Variants in GPD1 observed in about 807,000 individuals in gnomAD.
GPD1 encodes the protein glycerol-3-phosphate dehydrogenase 1, also known as glycerol-3-phosphate dehydrogenase [NAD(+)], cytoplasmic.
In GPD1, 19 loss-of-function variants were observed where a neutral mutation model predicts 34.4. That is an observed-to-expected ratio of 0.55 (90% confidence interval 0.39 to 0.81). The LOEUF (loss-of-function observed/expected upper bound fraction) is 0.81. Ranked by LOEUF, GPD1 falls within the 30% of genes least tolerant of loss-of-function variation. The pLI is 0.00. For missense variants in GPD1, 429 were observed against 447.0 expected (o/e 0.96, Z 0.36); for synonymous variants, 172 against 174.1 (o/e 0.99, Z 0.09).
intron 6 of GPD1, 61 bp downstream of exon 6, chr12:50,107,861 T>C (rs1209129110): frequency 8.0e-7 from 1 of 1,253,554 alleles, no homozygotes. Flanking sequence ...GTAGAGGTGC[T>C]TGGCGGGAGG....
At chr12:50,106,051 A>G (rs533273418) in intron 3 of GPD1, 8 of 615,466 alleles carry the variant, frequency 1.3e-5, no homozygotes, top group African/African-American at 1.3e-4. Context: ...GGGGTTGCCT[A>G]GGGATGTGGA....
chr12:50,104,296 G>C (rs1012421054), intron 1 of GPD1: 2 of 698,344 alleles, frequency 2.9e-6, no homozygotes, highest in African/African-American at 3.5e-5. Flanking sequence ...CCATGGGAAG[G>C]CGTCTCCAGA....
At chr12:50,104,361 C>G (rs892613379) in intron 1 of GPD1, 3 of 706,510 alleles carry the variant, frequency 4.2e-6, no homozygotes, top group Non-Finnish European at 7.8e-6. Context: ...AGAAGTGGGG[C>G]TCCCTTCTCT....
chr12:50,108,007 T>A lies in GPD1; in HGVS notation c.847-17T>A, dbSNP rs1281654586. 6.5e-7 allele frequency: 1 copy of A among 1,540,534 alleles called. No individual in the cohort carries two copies. The highest frequency in any genetic ancestry group is 9.0e-7 in the Non-Finnish European group (1 of 1,116,202). On this transcript the variant is annotated splice_polypyrimidine_tract_variant and intron_variant, in intron 6 of 7. Transcript: ENST00000301149. The stretch of plus-strand genomic sequence containing the variant: ...CTTCTCTCCCATTTCCATCCACTCA[T>A]CCTGTTTTCTGCACAGTCCATTGAG...
At chr12:50,109,200 C>T (rs1395153771) in intron 7 of GPD1, among the ~76,000 whole-genome samples, 1 of 148,378 alleles carries the variant, frequency 6.7e-6, no homozygotes, top group East Asian at 2.0e-4. Context: ...GCCAGAGAAT[C>T]ATGCAGGCCA....
chr12:50,106,190 CA>C, intron 3 of GPD1, 97 bp from the exon 4 acceptor site: 1 of 1,118,318 alleles, frequency 8.9e-7, no homozygotes, highest in South Asian at 1.6e-5. Flanking sequence ...TCGGGAGGGA[CA>C]CAGATGAGCA....
chr12:50,110,615 T>C lies in GPD1; in HGVS notation c.*1096T>C, dbSNP rs1470460200. On this transcript the variant is annotated 3_prime_UTR_variant, in exon 8 of 8. Transcript: ENST00000301149. ...GGCCAGAGGGTGGCCCAAAGGCTGA[T>C]GAACGGTAGGGAAGGGTGAGCAGAT... The C allele has an allele frequency of 1.3e-5, 2 of 152,514 alleles. No individual in the cohort carries two copies. The highest frequency in any genetic ancestry group is 2.1e-4 in the South Asian group (1 of 4,834). The allele number at this position is 152,514 out of a possible 1,614,324, so 9.4% of individuals were successfully genotyped here.
rs71441319 is a variant in GPD1, at chr12:50,104,365, C to A, written c.42-209C>A. On this transcript the variant is annotated intron_variant, in intron 1 of 7. Transcript: ENST00000301149. ...GTGGGAAGATGAGAAGTGGGGCTCC[C>A]TTCTCTAGTAGCAAAGGGTGAGGAG... is the stretch of plus-strand genomic sequence containing the variant. 9.0e-3 allele frequency: 6,393 copies of A among 707,786 alleles called. 48 individuals are homozygous for A. The highest frequency in any genetic ancestry group is 0.013 in the Non-Finnish European group (5,167 of 386,620). The allele number at this position is 707,786 out of a possible 1,614,324, so 43.8% of individuals were successfully genotyped here.
intron 1 of GPD1, 142 bp downstream of exon 1, chr12:50,104,233 C>T (rs1037947337): frequency 1.3e-5 from 11 of 844,952 alleles, no homozygotes; most frequent in East Asian, 1.0e-4. Context: ...ACAGGACAGA[C>T]GGTGCCCGGC....
chr12:50,104,147 G>T (rs1361638358), intron 1 of GPD1, 56 bp downstream of exon 1: 1 of 1,531,954 alleles, frequency 6.5e-7, no homozygotes, highest in African/African-American at 1.4e-5. Context: ...AGACAGAGGT[G>T]GGTAGGAGGC....
rs935190648 is a variant in GPD1, at chr12:50,109,957, G to A, written c.*438G>A. 4.9e-5 allele frequency: 8 copies of A among 162,932 alleles called. No individual in the cohort carries two copies. The East Asian group carries it at 1.4e-3, about 29-fold the overall frequency. 10.1% of individuals were successfully genotyped at this position (162,932 alleles called of 1,614,324 possible). A position where few individuals can be genotyped will look rare whatever the true frequency, so the allele number is the denominator to read the frequency against. On this transcript the variant is annotated 3_prime_UTR_variant, in exon 8 of 8. Coordinates refer to ENST00000301149, the MANE Select transcript of GPD1 (RefSeq NM_005276.4). ...CTTAGCCACAGGAGCGATGAGGCAA[G>A]GATTGTCAGGGAGGGGTCTGGGCTT...
intron 5 of GPD1, 76 bp downstream of exon 5, chr12:50,106,993 C>G: frequency 1.2e-6 from 1 of 830,798 alleles, no homozygotes; most frequent in South Asian, 1.4e-5. Flanking sequence ...TGCAAGGCTG[C>G]AGGTACTCCA....
intron 7 of GPD1, 118 bp downstream of exon 7, chr12:50,108,248 C>T: frequency 1.5e-6 from 1 of 679,012 alleles, no homozygotes; most frequent in Non-Finnish European, 2.7e-6. Flanking sequence ...GGGAGTATTA[C>T]CTTACATTTC....
At chr12:50,104,424 G>A (rs1361479767) in intron 1 of GPD1, 150 bp from the exon 2 acceptor site, 1 of 731,188 alleles carries the variant, frequency 1.4e-6, no homozygotes, top group Non-Finnish European at 2.5e-6. Context: ...GGTCACTGGG[G>A]ACTATTTGTC....
At chr12:50,104,137 A>G in intron 1 of GPD1, 46 bp downstream of exon 1, 2 of 1,571,764 alleles carry the variant, frequency 1.3e-6, no homozygotes, top group Non-Finnish European at 1.8e-6. Context: ...AGGCCCCCCA[A>G]GACAGAGGTG....
At position 50,105,616 on chromosome 12, in the gene GPD1, G is replaced by T; in HGVS notation, c.288G>T (p.Gln96His). The change falls in exon 3 of 8, where the codon CAG becomes CAT. Residue 96 changes from glutamine to histidine, a missense_variant. Coordinates refer to ENST00000301149, the MANE Select transcript of GPD1 (RefSeq NM_005276.4). The part of the protein sequence containing the change: ...ADILIFVVPH[Q>H]FIGKICDQLK... Reference sequence around the variant, plus strand: ...TCCTGATCTTTGTGGTGCCCCATCAGTTCATCGGCAAGATCTGTGACCAGC... The same window carrying T: ...TCCTGATCTTTGTGGTGCCCCATCATTTCATCGGCAAGATCTGTGACCAGC... 1 of 1,614,192 alleles carries T rather than the reference G, an allele frequency of 6.2e-7. No homozygotes were observed. The highest frequency in any genetic ancestry group is 8.5e-7 in the Non-Finnish European group (1 of 1,180,020).
rs541009343 is a variant in GPD1, at chr12:50,105,233, A to G, written c.220-315A>G. On this transcript the variant is annotated intron_variant, in intron 2 of 7. Transcript: ENST00000301149. ...GAGCTGGGTGATGAAATCTTATTTG[A>G]GCTCTTTCTTTTGCCAAGCCCAGGC... 87 of 363,472 alleles carry G rather than the reference A, an allele frequency of 2.4e-4. 1 individual carries two copies. In the South Asian group the frequency reaches 3.6e-3, roughly 15 times the overall value. 22.5% of individuals were successfully genotyped at this position (363,472 alleles called of 1,614,324 possible).
At chr12:50,107,320 G>A in intron 5 of GPD1, 1 of 677,158 alleles carries the variant, frequency 1.5e-6, no homozygotes, top group Non-Finnish European at 2.7e-6. Context: ...GGTCATAGAT[G>A]GGAAGATCAA....
rs372752388 is a variant in GPD1 at position 50,108,169 on chromosome 12, C to T, written c.953+39C>T. The T allele has an allele frequency of 1.2e-5, 14 of 1,146,198 alleles. No individual in the cohort carries two copies. The South Asian group carries it at 1.8e-4, about 15-fold the overall frequency. The allele number at this position is 1,146,198 out of a possible 1,614,324, so 71.0% of individuals were successfully genotyped here. ...ACAGCCCCACTGATTAAGGGAGCCA[C>T]AGCCAGAAGTGCTCGCCCTGTTCAT... is the stretch of plus-strand genomic sequence containing the variant. On this transcript the variant is annotated intron_variant, in intron 7 of 7. Transcript: ENST00000301149.
Sources: allele counts gnomAD v4.1 joint callset (sites outside exome capture counted in the v4.1 genomes callset), GRCh38; gene constraint gnomAD v4.1.1; transcripts MANE v1.5; gene names NCBI Gene and HGNC (gene_info 2026-07-23, HGNC 2026-07-21).